SPACA7: variants seen among roughly 807,000 people sequenced by gnomAD.
SPACA7 encodes sperm acrosome-associated protein 7.
In SPACA7, 19 loss-of-function variants were observed where a neutral mutation model predicts 26.3. The ratio of observed to expected loss-of-function variants is 0.72; its 90% CI spans 0.50 to 1.06. SPACA7 has a LOEUF of 1.06. Ranked by LOEUF, SPACA7 falls within the 50% of genes least tolerant of loss-of-function variation. SPACA7 has a pLI of 0.00. For missense variants in SPACA7, 211 were observed against 229.9 expected (o/e 0.92, Z 0.53); for synonymous variants, 84 against 84.5 (o/e 0.99, Z 0.04).
intron 2 of SPACA7, among the ~76,000 whole-genome samples, chr13:112,397,402 C>A (rs532171763): frequency 5.9e-5 from 9 of 152,326 alleles, no homozygotes; most frequent in South Asian, 2.1e-4. Flanking sequence ...ATGGCCCAGG[C>A]TCCGTGCTGA....
intron 5 of SPACA7, among the ~76,000 whole-genome samples, chr13:112,410,410 G>C (rs192743373): frequency 2.6e-5 from 4 of 151,918 alleles, no homozygotes; most frequent in Admixed American, 1.3e-4. Context: ...AATTATAAAA[G>C]TTGTTTGTTG....
chr13:112,412,637 G>A (rs2873535), intron 5 of SPACA7, among the ~76,000 whole-genome samples: 40,005 of 151,640 alleles, frequency 0.26, 6,102 homozygotes, highest in Non-Finnish European at 0.35. Flanking sequence ...TTGTATATGG[G>A]TGAGAGATAG....
intron 5 of SPACA7, among the ~76,000 whole-genome samples, chr13:112,419,244 T>C (rs977131016): frequency 6.6e-6 from 1 of 152,122 alleles, no homozygotes; most frequent in Admixed American, 6.5e-5. Flanking sequence ...ACCATACAAG[T>C]GGGTAAGAAG....
chr13:112,424,247 C>T (rs1324481187), intron 5 of SPACA7, among the ~76,000 whole-genome samples: 1 of 152,198 alleles, frequency 6.6e-6, no homozygotes, highest in Non-Finnish European at 1.5e-5. Flanking sequence ...TAGGTGCATC[C>T]GTGGTGATGC....
Position 112,383,183 on chromosome 13 carries a change from AAGAAAGAAAGAAAAG to A in SPACA7, c.94+6706_94+6720del, listed in dbSNP as rs1428270969. On this transcript the variant is annotated intron_variant, in intron 1 of 6. Transcript: ENST00000283550. ...AAAGAAAGAAAGAAAGAAAGAAAGA[AAGAAAGAAAGAAAAG>A]AAAGAAAGAAAGGAAAGAAGGAAGA... is the stretch of plus-strand genomic sequence containing the variant. Among the ~76,000 whole-genome samples, 271 of 141,422 alleles carry A rather than the reference AAGAAAGAAAGAAAAG, an allele frequency of 1.9e-3. 7 individuals are homozygous for A. Among genetic ancestry groups the A allele is most frequent in the African/African-American group, 7.2e-3 (255 of 35,464 alleles). 92.8% of individuals were successfully genotyped at this position (141,422 alleles called of 152,430 possible).
chr13:112,423,382 G>C (rs1223823454), intron 5 of SPACA7, among the ~76,000 whole-genome samples: 2 of 152,066 alleles, frequency 1.3e-5, no homozygotes, highest in Non-Finnish European at 2.9e-5. Flanking sequence ...ATGGAATTGA[G>C]AACAGAAAAT....
At chr13:112,386,013 CA>C (rs1884501276) in intron 1 of SPACA7, among the ~76,000 whole-genome samples, 1 of 152,188 alleles carries the variant, frequency 6.6e-6, no homozygotes, top group Non-Finnish European at 1.5e-5. Context: ...AGCTGGATGG[CA>C]AAGACAGATC....
chr13:112,383,604 T>C (rs1594241918), intron 1 of SPACA7, among the ~76,000 whole-genome samples: 1 of 152,192 alleles, frequency 6.6e-6, no homozygotes, highest in Admixed American at 6.5e-5. Context: ...TAAATACCTA[T>C]GAGTTGAGCA....
chr13:112,433,605 G>A lies in SPACA7; in HGVS notation c.524-880G>A, dbSNP rs551637687. 1.7e-4 allele frequency among the ~76,000 whole-genome samples: 26 copies of A among 150,384 alleles called. 1 individual carries two copies. Among genetic ancestry groups the A allele is most frequent in the African/African-American group, 5.3e-4 (22 of 41,400 alleles). Reference sequence around the variant, plus strand: ...CCTTTGTTAAAATGCCGAAGAGGACGGTCCCGGGAAACGTCGCTGGAGACG... The same window carrying A: ...CCTTTGTTAAAATGCCGAAGAGGACAGTCCCGGGAAACGTCGCTGGAGACG... On this transcript the variant is annotated intron_variant, in intron 6 of 6. Transcript: ENST00000283550.
chr13:112,434,614 G>A lies in SPACA7; in HGVS notation c.*65G>A, dbSNP rs1385761956. The A allele has an allele frequency of 4.2e-5, 57 of 1,345,336 alleles. No individual in the cohort carries two copies. The highest frequency in any genetic ancestry group is 2.5e-4 in the African/African-American group (17 of 69,144). The allele number at this position is 1,345,336 out of a possible 1,614,324, so 83.3% of individuals were successfully genotyped here. A position where few individuals can be genotyped will look rare whatever the true frequency, so the allele number is the denominator to read the frequency against. ...CTAGAACCCCCACCCACCAGCCTCC[G>A]GAACAGGGCACTTGTGTGCACACGC... On this transcript the variant is annotated 3_prime_UTR_variant, in exon 7 of 7. Coordinates refer to ENST00000283550, the MANE Select transcript of SPACA7 (RefSeq NM_145248.5).
At chr13:112,432,602 C>T (rs564339757) in intron 6 of SPACA7, 81 bp downstream of exon 6, 3 of 1,103,930 alleles carry the variant, frequency 2.7e-6, no homozygotes, top group South Asian at 2.6e-5. Context: ...CTCCGAGCAG[C>T]TCCAGGGAGA....
chr13:112,383,875 A>G (rs998518431), intron 1 of SPACA7, among the ~76,000 whole-genome samples: 4 of 152,254 alleles, frequency 2.6e-5, no homozygotes, highest in African/African-American at 9.6e-5. Flanking sequence ...ACAGATTTTT[A>G]TTGCACTTAT....
chr13:112,394,119 C>G (rs1470562127), intron 2 of SPACA7, among the ~76,000 whole-genome samples: 1 of 152,184 alleles, frequency 6.6e-6, no homozygotes, highest in African/African-American at 2.4e-5. Flanking sequence ...CTCCACAGTT[C>G]CATGTGTCCT....
Position 112,411,132 on chromosome 13 carries a change from T to C in SPACA7, c.445+9968T>C, listed in dbSNP as rs1452588073. Reference sequence around the variant, plus strand: ...TATGTAGATTGTGTTACATTTGCTATGTTTTTTTTAGGAAGTAAATATTCC... The same window carrying C: ...TATGTAGATTGTGTTACATTTGCTACGTTTTTTTTAGGAAGTAAATATTCC... On this transcript the variant is annotated intron_variant, in intron 5 of 6. Coordinates refer to ENST00000283550, the MANE Select transcript of SPACA7 (RefSeq NM_145248.5). Among the ~76,000 whole-genome samples the C allele has an allele frequency of 3.2e-4, 5 of 15,554 alleles. No individual in the cohort carries two copies. The Non-Finnish European group carries it at 3.3e-3, about 10-fold the overall frequency. 10.2% of individuals were successfully genotyped at this position (15,554 alleles called of 152,430 possible).
chr13:112,399,334 G>A lies in SPACA7; in HGVS notation c.349+161G>A, dbSNP rs144957977. ...TTGGGCAGATCTCCCAGTCTCTGTC[G>A]GGGCTGAGGGACCCCCAGCTTCCTC... On this transcript the variant is annotated intron_variant, in intron 4 of 6. Transcript: ENST00000283550. Among the ~76,000 whole-genome samples, 136 of 152,370 alleles carry A rather than the reference G, an allele frequency of 8.9e-4. 1 individual carries two copies. Among genetic ancestry groups the A allele is most frequent in the Non-Finnish European group, 1.0e-3 (68 of 68,042 alleles).
chr13:112,395,571 A>C (rs1885190094), intron 2 of SPACA7, among the ~76,000 whole-genome samples: 1 of 152,158 alleles, frequency 6.6e-6, no homozygotes, highest in African/African-American at 2.4e-5. Flanking sequence ...TCTGGGTTCA[A>C]GCGATTCTCC....
intron 1 of SPACA7, among the ~76,000 whole-genome samples, chr13:112,389,700 C>A (rs980338771): frequency 1.3e-5 from 2 of 152,186 alleles, no homozygotes; most frequent in Non-Finnish European, 1.5e-5. Context: ...CAGACAGACA[C>A]ATGAAAACAG....
chr13:112,376,394 G>T lies in SPACA7; in HGVS notation c.9G>T (p.Val3=). ...CCTCAGCTGGAGGGAGCATGGCAGT[G>T]AGCCAAGGAGACGGGACCCTCTGCT... MA[V]SQGDGTLCFV... The change falls in exon 1 of 7, where the codon GTG becomes GTT. Residue 3 remains valine, a synonymous_variant. Coordinates refer to ENST00000283550, the MANE Select transcript of SPACA7 (RefSeq NM_145248.5). The T allele has an allele frequency of 6.2e-7, 1 of 1,613,572 alleles. No individual in the cohort carries two copies.
At chr13:112,433,771 G>T (rs1395993185) in intron 6 of SPACA7, among the ~76,000 whole-genome samples, 1 of 151,142 alleles carries the variant, frequency 6.6e-6, no homozygotes, top group Non-Finnish European at 1.5e-5. Context: ...GTCTGCTCGT[G>T]CCCCCAGCAG....
Sources: gnomAD v4.1 joint callset for allele counts (sites outside exome capture counted in the v4.1 genomes callset) on GRCh38, gnomAD v4.1.1 for gene constraint, MANE v1.5 for transcripts, NCBI Gene and HGNC (gene_info 2026-07-23, HGNC 2026-07-21) for gene names.